Variants in FAM76A observed in about 807,000 individuals in gnomAD.
FAM76A encodes the protein protein FAM76A.
A neutral mutation model predicts 46.2 loss-of-function variants in FAM76A; 32 were observed. The observed-to-expected ratio is 0.69, with a 90% CI of 0.52 to 0.93. FAM76A has a LOEUF of 0.93. Ranked by LOEUF, FAM76A falls within the 40% of genes least tolerant of loss-of-function variation. The pLI, the probability that FAM76A is intolerant of heterozygous loss-of-function variation, is 0.00. For synonymous variants in FAM76A, 137 were observed against 127.0 expected, an observed-to-expected ratio of 1.08 and a Z score of -0.53; for missense variants, 274 against 361.5, an observed-to-expected ratio of 0.76 and a Z score of 1.96.
intron 4 of FAM76A, among the ~76,000 whole-genome samples, chr1:27,742,829 G>C (rs2088177521): frequency 6.6e-6 from 1 of 152,176 alleles, no homozygotes; most frequent in Non-Finnish European, 1.5e-5. Flanking sequence ...GGGAGGCCGA[G>C]GCGGGCAGAT....
Position 27,725,998 on chromosome 1 carries a change from A to C in FAM76A, c.-83A>C. ...CCGCCTGCCGCAGCCAGCAGCCTGC[A>C]GCCGCCGCCGGGTTGTGCCTCAGAC... On this transcript the variant is annotated 5_prime_UTR_variant, in exon 1 of 9. Transcript: ENST00000373954. 8.9e-7 allele frequency: 1 copy of C among 1,120,872 alleles called. No homozygotes were observed. Among genetic ancestry groups the C allele is most frequent in the Non-Finnish European group, 1.1e-6 (1 of 890,676 alleles). The allele number at this position is 1,120,872 out of a possible 1,614,324, so 69.4% of individuals were successfully genotyped here.
chr1:27,744,393 C>T (rs1430518713), intron 4 of FAM76A, among the ~76,000 whole-genome samples: 3 of 152,266 alleles, frequency 2.0e-5, no homozygotes, highest in African/African-American at 7.2e-5. Flanking sequence ...TCCCAAAGTG[C>T]TGGGATTACA....
At chr1:27,748,066 T>C (rs1402843985) in intron 5 of FAM76A, among the ~76,000 whole-genome samples, 1 of 152,056 alleles carries the variant, frequency 6.6e-6, no homozygotes, top group Non-Finnish European at 1.5e-5. Flanking sequence ...AATAATAACT[T>C]ATCTATACCT....
Position 27,733,963 on chromosome 1 carries a change from T to C in FAM76A, c.202-68T>C, listed in dbSNP as rs1273254806. ...CTAATGAACTACAAAGTAGGAATTA[T>C]TGCTTTTTTAAATGCAGTGGTATTT... is the stretch of plus-strand genomic sequence containing the variant. On this transcript the variant is annotated intron_variant, in intron 3 of 8. Transcript: ENST00000373954. 2.0e-5 allele frequency: 30 copies of C among 1,470,650 alleles called. No homozygotes were observed. The Admixed American group carries it at 4.9e-4, about 24-fold the overall frequency. 91.1% of individuals were successfully genotyped at this position (1,470,650 alleles called of 1,614,324 possible). A position where few individuals can be genotyped will look rare whatever the true frequency, so the allele number is the denominator to read the frequency against.
At chr1:27,740,622 A>C in intron 4 of FAM76A, 1 of 673,580 alleles carries the variant, frequency 1.5e-6, no homozygotes, top group Non-Finnish European at 2.5e-6. Flanking sequence ...CATTCTCTTG[A>C]TCAGTGAGAC....
chr1:27,746,259 A>C (rs1165440402), intron 5 of FAM76A, among the ~76,000 whole-genome samples: 1 of 152,204 alleles, frequency 6.6e-6, no homozygotes, highest in East Asian at 1.9e-4. Flanking sequence ...GTAAAGGATA[A>C]TTCCCGGGTT....
At chr1:27,734,403 C>T (rs1200137485) in intron 4 of FAM76A, among the ~76,000 whole-genome samples, 2 of 151,986 alleles carry the variant, frequency 1.3e-5, no homozygotes, top group Non-Finnish European at 2.9e-5. Flanking sequence ...AAAAATTAGC[C>T]AGGCGTGGTG....
chr1:27,748,007 T>C (rs2088267822), intron 5 of FAM76A, among the ~76,000 whole-genome samples: 1 of 152,140 alleles, frequency 6.6e-6, no homozygotes, highest in Non-Finnish European at 1.5e-5. Flanking sequence ...TAACTAGCTA[T>C]ATGTGTCTTG....
At chr1:27,726,489 G>A (rs1032120395) in intron 1 of FAM76A, among the ~76,000 whole-genome samples, 1 of 152,188 alleles carries the variant, frequency 6.6e-6, no homozygotes, top group Admixed American at 6.5e-5. Flanking sequence ...CCCCGCCGCC[G>A]CGGTCTCCCT....
At chr1:27,758,177 A>G (rs1043389743) in intron 7 of FAM76A, among the ~76,000 whole-genome samples, 2 of 152,154 alleles carry the variant, frequency 1.3e-5, no homozygotes, top group Non-Finnish European at 2.9e-5. Context: ...TCTAATTTCT[A>G]CCTCATTTTA....
At chr1:27,746,830 G>A (rs577846027) in intron 5 of FAM76A, among the ~76,000 whole-genome samples, 263 of 152,204 alleles carry the variant, frequency 1.7e-3, no homozygotes, top group African/African-American at 6.1e-3. Context: ...TAAACCCAAC[G>A]CTCTGGGAGG....
chr1:27,758,556 C>A (rs1279746739), intron 7 of FAM76A, among the ~76,000 whole-genome samples: 2 of 151,992 alleles, frequency 1.3e-5, no homozygotes, highest in African/African-American at 4.8e-5. Context: ...GGCTGTTGGG[C>A]AGTGGTGCAG....
rs1299588941 is a variant in FAM76A, at chr1:27,759,781, T to TTTTTTGTTTTTTG, written c.837+159_837+160insGTTTTTTGTTTTT. On this transcript the variant is annotated intron_variant, in intron 8 of 8. Transcript: ENST00000373954. ...CCCCTTTTAGGTTTTTTTTTTTTGT[T>TTTTTTGTTTTTTG]TTTTTTTTGAGACAGGTTCTCTGTC... The TTTTTTGTTTTTTG allele has an allele frequency of 0.011, 6,480 of 587,012 alleles. 468 individuals carry two copies. In the African/African-American group the frequency reaches 0.12, roughly 11 times the overall value. 36.4% of individuals were successfully genotyped at this position (587,012 alleles called of 1,614,324 possible).
At chr1:27,742,177 G>T (rs559398439) in intron 4 of FAM76A, among the ~76,000 whole-genome samples, 13 of 152,152 alleles carry the variant, frequency 8.5e-5, no homozygotes, top group Non-Finnish European at 1.9e-4. Flanking sequence ...TGAGGCACAA[G>T]ATCTAATTTC....
chr1:27,730,599 C>T (rs1333427019), intron 2 of FAM76A, among the ~76,000 whole-genome samples: 1 of 152,226 alleles, frequency 6.6e-6, no homozygotes, highest in Non-Finnish European at 1.5e-5. Flanking sequence ...TGCTATTCTA[C>T]ATCACAGAAT....
chr1:27,739,471 C>T, intron 4 of FAM76A: 1 of 433,972 alleles, frequency 2.3e-6, no homozygotes, highest in Non-Finnish European at 4.5e-6. Flanking sequence ...TCTCGATTTT[C>T]TGATTTGTTC....
Position 27,744,773 on chromosome 1 carries a change from G to A in FAM76A, c.474G>A (p.Glu158=). 6.2e-7 allele frequency: 1 copy of A among 1,614,188 alleles called. No homozygotes were observed. Among genetic ancestry groups the A allele is most frequent in the Non-Finnish European group, 8.5e-7 (1 of 1,180,028 alleles). The part of the protein sequence containing the change: ...SSSRAGHQEK[E]QYSRLSGGGH... Reference sequence around the variant, plus strand: ...CTCGTGCTGGCCACCAGGAGAAGGAGCAGTATAGTCGCCTGAGTGGTGGTG... The same window carrying A: ...CTCGTGCTGGCCACCAGGAGAAGGAACAGTATAGTCGCCTGAGTGGTGGTG... The change falls in exon 5 of 9, where the codon GAG becomes GAA. Residue 158 remains glutamate (E), a synonymous_variant. Coordinates refer to ENST00000373954, the MANE Select transcript of FAM76A (RefSeq NM_152660.3).
chr1:27,756,857 C>T (rs1436730241), intron 7 of FAM76A, among the ~76,000 whole-genome samples: 1 of 151,934 alleles, frequency 6.6e-6, no homozygotes, highest in Admixed American at 6.6e-5. Context: ...CCCAGGAATT[C>T]AAGACCAGCC....
chr1:27,737,985 C>G (rs915569441), intron 4 of FAM76A, among the ~76,000 whole-genome samples: 2 of 150,664 alleles, frequency 1.3e-5, no homozygotes, highest in African/African-American at 4.9e-5. Flanking sequence ...CCTAGGAGTA[C>G]GAGGCTCCAG....
Sources: gnomAD v4.1 joint callset for allele counts (sites outside exome capture counted in the v4.1 genomes callset) on GRCh38, gnomAD v4.1.1 for gene constraint, MANE v1.5 for transcripts, NCBI Gene and HGNC (gene_info 2026-07-23, HGNC 2026-07-21) for gene names.